DPP3: variants seen among roughly 807,000 people sequenced by gnomAD.
DPP3 encodes the protein DPP III.
In DPP3, 64 loss-of-function variants were observed where a neutral mutation model predicts 89.8. The observed-to-expected ratio is 0.71, with a 90% CI of 0.58 to 0.88. DPP3 has a LOEUF of 0.88. Ranked by LOEUF, DPP3 falls within the 40% of genes least tolerant of loss-of-function variation. The pLI is 0.00. For missense variants in DPP3, 835 were observed against 972.5 expected, an observed-to-expected ratio of 0.86 and a Z score of 1.88; for synonymous variants, 377 against 404.3, an observed-to-expected ratio of 0.93 and a Z score of 0.81.
At chr11:66,500,215 G>A (rs1337592958) in intron 16 of DPP3, among the ~76,000 whole-genome samples, 3 of 151,850 alleles carry the variant, frequency 2.0e-5, no homozygotes, top group Non-Finnish European at 4.4e-5. Flanking sequence ...TTAGCCAGGC[G>A]TATTGGCAGG....
rs922398562 is a variant in DPP3, at chr11:66,488,419, G to A, written c.667+412G>A. On this transcript the variant is annotated intron_variant, in intron 6 of 17. Transcript: ENST00000531863. Reference sequence around the variant, plus strand: ...TCTACTAAAAATACAGAAATTAGCCGGGCGTGGTGGCGTGTGCCTGTAATT... The same window carrying A: ...TCTACTAAAAATACAGAAATTAGCCAGGCGTGGTGGCGTGTGCCTGTAATT... Among the ~76,000 whole-genome samples, 5 of 152,148 alleles carry A rather than the reference G, an allele frequency of 3.3e-5. 1 individual carries two copies. The East Asian group carries it at 9.6e-4, about 29-fold the overall frequency.
intron 1 of DPP3, among the ~76,000 whole-genome samples, chr11:66,481,791 G>C (rs1391580436): frequency 6.6e-6 from 1 of 152,066 alleles, no homozygotes; most frequent in African/African-American, 2.4e-5. Context: ...GAGATTACAG[G>C]TGCCTGGCAC....
intron 9 of DPP3, 36 bp downstream of exon 9, chr11:66,491,792 T>G: frequency 6.2e-7 from 1 of 1,608,872 alleles, no homozygotes; most frequent in Non-Finnish European, 8.5e-7. Flanking sequence ...TCACAGTCCC[T>G]TCCCCCACAT....
At position 66,495,658 on chromosome 11, in the gene DPP3, G is replaced by C; in HGVS notation, c.1606G>C (p.Glu536Gln). 2.5e-6 allele frequency: 4 copies of C among 1,614,144 alleles called. No homozygotes were observed. Among genetic ancestry groups the C allele is most frequent in the Non-Finnish European group, 3.4e-6 (4 of 1,180,016 alleles). ...CTTTGGCTTTGAGGGGGCTGATGCG[G>C]AGGACGTGATCTACGTGAACTGGCT... ...EIFGFEGADAEDVIYVNWLNM... is the reference protein window; with the variant it reads ...EIFGFEGADAQDVIYVNWLNM... Residue 536 changes from glutamate (E) to glutamine (Q), a missense_variant, in exon 15 of 18, where the codon GAG becomes CAG. By Grantham distance (29) the Glu-to-Gln change is conservative. Transcript: ENST00000531863.
intron 17 of DPP3, among the ~76,000 whole-genome samples, chr11:66,505,081 A>G (rs1855768103): frequency 6.6e-6 from 1 of 152,172 alleles, no homozygotes; most frequent in Non-Finnish European, 1.5e-5. Context: ...CCAGGCGTTC[A>G]TACCAAAGAA....
chr11:66,504,267 T>C (rs950182575), intron 16 of DPP3, among the ~76,000 whole-genome samples: 1 of 151,880 alleles, frequency 6.6e-6, no homozygotes, highest in Non-Finnish European at 1.5e-5. Context: ...CCTTTTTTTT[T>C]CCATAGAGAT....
At chr11:66,508,237 C>T (rs866148642) in intron 17 of DPP3, among the ~76,000 whole-genome samples, 9 of 152,240 alleles carry the variant, frequency 5.9e-5, no homozygotes, top group Middle Eastern at 3.4e-3. Context: ...CAGTGCTTCC[C>T]GGGGGTATTC....
At chr11:66,501,253 G>A (rs994840762) in intron 16 of DPP3, among the ~76,000 whole-genome samples, 2 of 151,624 alleles carry the variant, frequency 1.3e-5, no homozygotes, top group Non-Finnish European at 2.9e-5. Flanking sequence ...CAAGCTACTC[G>A]GGAAGCTGAG....
intron 6 of DPP3, among the ~76,000 whole-genome samples, chr11:66,490,225 A>G (rs1393684403): frequency 2.0e-5 from 3 of 151,374 alleles, no homozygotes; most frequent in African/African-American, 7.3e-5. Context: ...GTTTGTTTTT[A>G]CATAGCCTTG....
chr11:66,492,712 G>T lies in DPP3; in HGVS notation c.989-4G>T. 2 of 1,575,310 alleles carry T rather than the reference G, an allele frequency of 1.3e-6. No homozygotes were observed. The highest frequency in any genetic ancestry group is 1.7e-6 in the Non-Finnish European group (2 of 1,162,092). ...CAAGCCACAACCCCCTCCCTCCTCTGCAGGTTTCGTAGCTGTGGTGAACAA... is the reference window on the plus strand; with the variant it reads ...CAAGCCACAACCCCCTCCCTCCTCTTCAGGTTTCGTAGCTGTGGTGAACAA... On this transcript the variant is annotated splice_polypyrimidine_tract_variant and splice_region_variant and intron_variant, in intron 9 of 17. Coordinates refer to ENST00000531863, the MANE Select transcript of DPP3 (RefSeq NM_130443.4).
rs1565276379 is a variant in DPP3, at chr11:66,504,650, C to T, written c.1917C>T (p.Ala639=). Residue 639 remains alanine (A), a synonymous_variant, in exon 17 of 18, where the codon GCC becomes GCT. Transcript: ENST00000531863. Reference sequence around the variant, plus strand: ...CAGGGGATGTGGCCGGAGGGCGGGCCCTGTACGAGGGGTATGCAACAGTCA... The same window carrying T: ...CAGGGGATGTGGCCGGAGGGCGGGCTCTGTACGAGGGGTATGCAACAGTCA... ...KSTGDVAGGR[A]LYEGYATVTD... 6.2e-7 allele frequency: 1 copy of T among 1,613,110 alleles called. No individual in the cohort carries two copies. Among genetic ancestry groups the T allele is most frequent in the Non-Finnish European group, 8.5e-7 (1 of 1,179,662 alleles).
Position 66,498,180 on chromosome 11 carries a change from G to A in DPP3, c.1878+703G>A, listed in dbSNP as rs368165389. On this transcript the variant is annotated intron_variant, in intron 16 of 17. Coordinates refer to ENST00000531863, the MANE Select transcript of DPP3 (RefSeq NM_130443.4). Reference sequence around the variant, plus strand: ...GTGATCTGTGCTCACTGCAAACTCCGCCTCCTGGGTTCACACCATTCTCCT... The same window carrying A: ...GTGATCTGTGCTCACTGCAAACTCCACCTCCTGGGTTCACACCATTCTCCT... 5.0e-4 allele frequency among the ~76,000 whole-genome samples: 76 copies of A among 151,640 alleles called. 1 individual carries two copies. Among genetic ancestry groups the A allele is most frequent in the South Asian group, 3.5e-3 (17 of 4,794 alleles).
At chr11:66,492,668 A>C in intron 9 of DPP3, 48 bp from the exon 10 acceptor site, 1 of 1,527,990 alleles carries the variant, frequency 6.5e-7, no homozygotes, top group Non-Finnish European at 8.8e-7. Flanking sequence ...GTGAAGTGGG[A>C]GCCCTCCTGG....
chr11:66,496,418 T>A (rs1293294570), intron 15 of DPP3, among the ~76,000 whole-genome samples: 1 of 146,426 alleles, frequency 6.8e-6, no homozygotes, highest in Non-Finnish European at 1.5e-5. Context: ...ATTTTTTGTA[T>A]TTTTTTTTTC....
chr11:66,488,679 G>T (rs1444883956), intron 6 of DPP3, among the ~76,000 whole-genome samples: 1 of 152,076 alleles, frequency 6.6e-6, no homozygotes, highest in Non-Finnish European at 1.5e-5. Flanking sequence ...ATTCCCAGGA[G>T]AGAGGAAATA....
chr11:66,496,722 A>G (rs1010887886), intron 15 of DPP3, among the ~76,000 whole-genome samples: 1 of 152,160 alleles, frequency 6.6e-6, no homozygotes, highest in African/African-American at 2.4e-5. Flanking sequence ...CCAGCAATAG[A>G]AACTTTTTGA....
chr11:66,504,482 T>G (rs1318344882), intron 16 of DPP3, 130 bp from the exon 17 acceptor site: 10 of 1,021,210 alleles, frequency 9.8e-6, no homozygotes, highest in Non-Finnish European at 1.3e-5. Flanking sequence ...CACCAGAATT[T>G]TGGAGGGGAC....
intron 16 of DPP3, among the ~76,000 whole-genome samples, chr11:66,504,188 A>ACTCCTGAG (rs111668468): frequency 0.24 from 36,677 of 151,596 alleles, 4,641 homozygotes; most frequent in East Asian, 0.27. Context: ...CTGGTCTCAA[A>ACTCCTGAG]CTCAAGCAAT....
At chr11:66,503,283 A>G (rs1234663265) in intron 16 of DPP3, among the ~76,000 whole-genome samples, 1 of 152,202 alleles carries the variant, frequency 6.6e-6, no homozygotes, top group African/African-American at 2.4e-5. Flanking sequence ...GTTTTATTTT[A>G]TAAAGGGTAA....
Sources: gnomAD v4.1 joint callset for allele counts (sites outside exome capture counted in the v4.1 genomes callset) on GRCh38, gnomAD v4.1.1 for gene constraint, MANE v1.5 for transcripts, NCBI Gene and HGNC (gene_info 2026-07-23, HGNC 2026-07-21) for gene names.